CATSPERB: variants seen among roughly 807,000 people sequenced by gnomAD.
CATSPERB encodes the protein cation channel sperm-associated auxiliary subunit beta.
Under a neutral mutation model 128.3 loss-of-function variants are expected in CATSPERB, and 93 were observed. That is an observed-to-expected ratio of 0.72 (90% CI 0.61 to 0.86). CATSPERB has a LOEUF of 0.86. Among genes scored for constraint, CATSPERB ranks in the 40% least tolerant of loss-of-function variants. The pLI is 0.00. For missense variants in CATSPERB, 1,153 were observed against 1,329.5 expected (o/e 0.87, Z 2.06); for synonymous variants, 381 against 448.8 (o/e 0.85, Z 1.91).
At chr14:91,603,479 T>TCC in intron 22 of CATSPERB, 1 of 1,279,744 alleles carries the variant, frequency 7.8e-7, no homozygotes, top group Non-Finnish European at 1.1e-6. Context: ...GCTCCCTAAG[T>TCC]CTTAAAGTGT....
At chr14:91,622,893 CTT>C (rs11432858) in intron 18 of CATSPERB, among the ~76,000 whole-genome samples, 5 of 127,786 alleles carry the variant, frequency 3.9e-5, no homozygotes, top group Admixed American at 8.4e-5. Flanking sequence ...TTCTCAATGA[CTT>C]TTTTTTTTTT....
At chr14:91,703,905 A>G (rs985911524) in intron 7 of CATSPERB, among the ~76,000 whole-genome samples, 2 of 152,174 alleles carry the variant, frequency 1.3e-5, no homozygotes, top group African/African-American at 4.8e-5. Flanking sequence ...TAGAACTACA[A>G]CCTGGGACTT....
intron 18 of CATSPERB, among the ~76,000 whole-genome samples, chr14:91,623,106 A>T (rs61988706): frequency 1.7e-3 from 264 of 151,718 alleles, no homozygotes; most frequent in African/African-American, 6.2e-3. Flanking sequence ...TGTTGGCCAG[A>T]CTGGTCTCAA....
intron 22 of CATSPERB, among the ~76,000 whole-genome samples, chr14:91,601,592 A>G (rs1046719789): frequency 3.3e-5 from 5 of 152,190 alleles, no homozygotes; most frequent in African/African-American, 1.2e-4. Flanking sequence ...TTAATAGTAC[A>G]GGTAGAAATA....
intron 5 of CATSPERB, chr14:91,715,159 C>T (rs1895916487): frequency 6.6e-6 from 1 of 151,850 alleles, no homozygotes; most frequent in Admixed American, 6.6e-5. Flanking sequence ...TGTGCAAGTT[C>T]TCTAAGCTGA....
chr14:91,636,283 A>T, intron 17 of CATSPERB, 142 bp downstream of exon 17: 1 of 706,016 alleles, frequency 1.4e-6, no homozygotes, highest in Non-Finnish European at 2.4e-6. Flanking sequence ...GCATTGCTTG[A>T]GCCTGGGAGA....
intron 22 of CATSPERB, among the ~76,000 whole-genome samples, chr14:91,594,129 A>C (rs1156667604): frequency 6.6e-6 from 1 of 152,208 alleles, no homozygotes; most frequent in African/African-American, 2.4e-5. Flanking sequence ...CATATATACC[A>C]TGGAATACTA....
chr14:91,629,544 G>A (rs1354320954), intron 17 of CATSPERB, among the ~76,000 whole-genome samples: 1 of 152,222 alleles, frequency 6.6e-6, no homozygotes, highest in Non-Finnish European at 1.5e-5. Flanking sequence ...ATGTGTCAAT[G>A]TAGGTTCATG....
intron 7 of CATSPERB, among the ~76,000 whole-genome samples, chr14:91,699,042 T>C (rs185692658): frequency 6.6e-6 from 1 of 152,354 alleles, no homozygotes; most frequent in Non-Finnish European, 1.5e-5. Flanking sequence ...GTTTCATTCC[T>C]TTTTATGGCT....
chr14:91,629,033 CG>C (rs1566710234), intron 17 of CATSPERB, among the ~76,000 whole-genome samples: 2 of 152,120 alleles, frequency 1.3e-5, no homozygotes, highest in Admixed American at 6.5e-5. Context: ...CCAAATGAGT[CG>C]AAAACTTATA....
intron 15 of CATSPERB, among the ~76,000 whole-genome samples, chr14:91,648,021 A>T (rs1336673874): frequency 6.6e-6 from 1 of 152,212 alleles, no homozygotes; most frequent in African/African-American, 2.4e-5. Context: ...TTACTCATCC[A>T]GTTGCCCTAT....
intron 6 of CATSPERB, among the ~76,000 whole-genome samples, chr14:91,705,039 A>G (rs567939842): frequency 6.6e-6 from 1 of 152,314 alleles, no homozygotes; most frequent in South Asian, 2.1e-4. Context: ...ACGCACATTT[A>G]TAACTTCTGA....
intron 5 of CATSPERB, among the ~76,000 whole-genome samples, chr14:91,714,654 G>C (rs1387604388): frequency 2.7e-5 from 4 of 150,484 alleles, no homozygotes; most frequent in African/African-American, 9.8e-5. Flanking sequence ...CTGCCTCCTG[G>C]GTTCAAGCAA....
intron 24 of CATSPERB, among the ~76,000 whole-genome samples, chr14:91,589,195 CTG>C (rs1893354562): frequency 6.6e-6 from 1 of 152,226 alleles, no homozygotes; most frequent in Admixed American, 6.5e-5. Flanking sequence ...ACAACCTCCT[CTG>C]TCACACTGAA....
At chr14:91,644,286 A>T in intron 15 of CATSPERB, among the ~76,000 whole-genome samples, 1 of 120,092 alleles carries the variant, frequency 8.3e-6, no homozygotes, top group Non-Finnish European at 1.8e-5. Flanking sequence ...TCATTAGTTG[A>T]TGCAGTTTCT....
rs1893664769 is a variant in CATSPERB, at chr14:91,604,543, A to G, written c.2709+3751T>C. The stretch of plus-strand genomic sequence containing the variant: ...CCAAGGCAGCCTCCAAGTCACTGGC[A>G]GGAGAATTTGGCTGGAACTGCATGG... On this transcript the variant is annotated intron_variant, in intron 22 of 26. Coordinates refer to ENST00000256343, the MANE Select transcript of CATSPERB (RefSeq NM_024764.4). 9.3e-6 allele frequency: 15 copies of G among 1,607,618 alleles called. No homozygotes were observed. The South Asian group carries it at 1.5e-4, about 16-fold the overall frequency.
intron 2 of CATSPERB, among the ~76,000 whole-genome samples, chr14:91,727,152 G>A (rs149650708): frequency 8.7e-4 from 132 of 152,302 alleles, no homozygotes; most frequent in African/African-American, 3.1e-3. Flanking sequence ...GGCTCAAGGG[G>A]AATATGTGCA....
At chr14:91,629,412 T>G (rs1894230526) in intron 17 of CATSPERB, among the ~76,000 whole-genome samples, 2 of 152,206 alleles carry the variant, frequency 1.3e-5, no homozygotes, top group Admixed American at 1.3e-4. Context: ...TTTAGGGCAG[T>G]GAAACTCTTC....
intron 14 of CATSPERB, among the ~76,000 whole-genome samples, chr14:91,668,301 G>A (rs1595171823): frequency 1.3e-5 from 2 of 149,434 alleles, no homozygotes; most frequent in African/African-American, 2.4e-5. Context: ...GTTTGTAAAC[G>A]CACCAATCAG....
Sources: gnomAD v4.1 joint callset for allele counts (sites outside exome capture counted in the v4.1 genomes callset) on GRCh38, gnomAD v4.1.1 for gene constraint, MANE v1.5 for transcripts, NCBI Gene and HGNC (gene_info 2026-07-23, HGNC 2026-07-21) for gene names.